Variants in HS3ST4 observed in about 807,000 individuals in gnomAD.
The protein encoded by HS3ST4 is heparan sulfate glucosamine 3-O-sulfotransferase 4.
HS3ST4 carries 17 observed loss-of-function variants against 29.2 expected under a neutral mutation model. The observed-to-expected ratio is 0.58, with a 90% confidence interval of 0.40 to 0.87. HS3ST4 has a LOEUF of 0.87. Among genes scored for constraint, HS3ST4 ranks in the 40% least tolerant of loss-of-function variants. The pLI is 0.00. For synonymous variants in HS3ST4, 314 were observed against 285.7 expected, an observed-to-expected ratio of 1.10 and a Z score of -1.00; for missense variants, 627 against 634.5, an observed-to-expected ratio of 0.99 and a Z score of 0.13.
rs1013372937 is a variant in HS3ST4, at chr16:25,967,876, T to C, written c.735-167736T>C. On this transcript the variant is annotated intron_variant, in intron 1 of 1. Coordinates refer to ENST00000331351, the MANE Select transcript of HS3ST4 (RefSeq NM_006040.3). ...ATAGAGCCCTGGAGTCAGGAGGTGCTTGCAAAGCTGCCTTAAAGGCAGTGA... is the reference window on the plus strand; with the variant it reads ...ATAGAGCCCTGGAGTCAGGAGGTGCCTGCAAAGCTGCCTTAAAGGCAGTGA... Among the ~76,000 whole-genome samples the C allele has an allele frequency of 3.9e-5, 6 of 152,278 alleles. No homozygotes were observed. The South Asian group carries it at 1.2e-3, about 32-fold the overall frequency.
intron 1 of HS3ST4, among the ~76,000 whole-genome samples, chr16:26,127,716 A>G (rs1899363788): frequency 6.6e-6 from 1 of 152,194 alleles, no homozygotes; most frequent in African/African-American, 2.4e-5. Flanking sequence ...ACTCACGGAT[A>G]TCATGGGGAA....
At chr16:26,036,474 CT>C (rs897864281) in intron 1 of HS3ST4, among the ~76,000 whole-genome samples, 6 of 152,178 alleles carry the variant, frequency 3.9e-5, no homozygotes, top group African/African-American at 1.4e-4. Context: ...GCTCATTTGT[CT>C]GTATCAGATC....
At chr16:25,989,656 AACTG>A (rs1400836260) in intron 1 of HS3ST4, among the ~76,000 whole-genome samples, 1 of 152,222 alleles carries the variant, frequency 6.6e-6, no homozygotes, top group East Asian at 1.9e-4. Flanking sequence ...TATGAGGCCT[AACTG>A]ACTTCGTCTG....
chr16:26,021,634 T>A (rs1269445394), intron 1 of HS3ST4, among the ~76,000 whole-genome samples: 1 of 152,056 alleles, frequency 6.6e-6, no homozygotes, highest in Non-Finnish European at 1.5e-5. Flanking sequence ...AAACACAACC[T>A]CTAAGCACTT....
chr16:25,857,811 G>A (rs113297519), intron 1 of HS3ST4, among the ~76,000 whole-genome samples: 133 of 152,142 alleles, frequency 8.7e-4, no homozygotes, highest in African/African-American at 3.0e-3. Flanking sequence ...TACTCATAGC[G>A]TGAAAGCATT....
intron 1 of HS3ST4, among the ~76,000 whole-genome samples, chr16:25,742,484 G>A (rs1255441270): frequency 1.3e-5 from 2 of 152,210 alleles, no homozygotes; most frequent in Non-Finnish European, 2.9e-5. Context: ...CTTGGATTCA[G>A]GGGAGTAATG....
intron 1 of HS3ST4, among the ~76,000 whole-genome samples, chr16:25,915,393 T>G (rs1344569327): frequency 2.0e-5 from 3 of 152,332 alleles, no homozygotes; most frequent in South Asian, 4.1e-4. Context: ...AATAAAATTA[T>G]TTGCCTCTTC....
At chr16:26,127,981 G>A (rs1200486668) in intron 1 of HS3ST4, among the ~76,000 whole-genome samples, 1 of 151,958 alleles carries the variant, frequency 6.6e-6, no homozygotes, top group Non-Finnish European at 1.5e-5. Flanking sequence ...CTTCCAAGCC[G>A]AGCTCCTCTT....
intron 1 of HS3ST4, among the ~76,000 whole-genome samples, chr16:26,001,293 G>A (rs978178632): frequency 6.6e-6 from 1 of 152,132 alleles, no homozygotes; most frequent in Admixed American, 6.5e-5. Flanking sequence ...GATATATGCA[G>A]TGTACTCTAC....
chr16:25,784,222 T>C (rs936532241), intron 1 of HS3ST4, among the ~76,000 whole-genome samples: 12 of 152,150 alleles, frequency 7.9e-5, no homozygotes, highest in Middle Eastern at 6.3e-3. Flanking sequence ...CTCCCTCTAC[T>C]TGGGACTTCC....
At chr16:25,785,365 G>A (rs1966856449) in intron 1 of HS3ST4, among the ~76,000 whole-genome samples, 1 of 152,180 alleles carries the variant, frequency 6.6e-6, no homozygotes, top group Non-Finnish European at 1.5e-5. Flanking sequence ...ATAGTGCTAA[G>A]TAGAGTCAGG....
At chr16:25,762,561 C>T (rs1007802591) in intron 1 of HS3ST4, among the ~76,000 whole-genome samples, 2 of 152,008 alleles carry the variant, frequency 1.3e-5, no homozygotes, top group Non-Finnish European at 2.9e-5. Context: ...ACTGAAAATG[C>T]CAAACGTGGC....
chr16:26,129,637 C>T (rs1306288240), intron 1 of HS3ST4, among the ~76,000 whole-genome samples: 1 of 152,136 alleles, frequency 6.6e-6, no homozygotes, highest in Non-Finnish European at 1.5e-5. Context: ...TAGTATGATG[C>T]CTGGTTTTCA....
intron 1 of HS3ST4, among the ~76,000 whole-genome samples, chr16:25,774,960 T>C (rs2141612504): frequency 6.6e-6 from 1 of 152,342 alleles, no homozygotes; most frequent in East Asian, 1.9e-4. Flanking sequence ...GGCTTTGTTA[T>C]TTTTCTTCTG....
chr16:26,128,471 A>G (rs916952870), intron 1 of HS3ST4, among the ~76,000 whole-genome samples: 2 of 152,224 alleles, frequency 1.3e-5, no homozygotes, highest in African/African-American at 4.8e-5. Context: ...ACCATAACTC[A>G]GGATTCCTTC....
intron 1 of HS3ST4, among the ~76,000 whole-genome samples, chr16:26,029,389 C>G (rs1199381311): frequency 1.3e-5 from 2 of 152,018 alleles, no homozygotes; most frequent in Non-Finnish European, 2.9e-5. Context: ...AACAAGGGTC[C>G]CCACACTTCA....
intron 1 of HS3ST4, among the ~76,000 whole-genome samples, chr16:25,990,076 T>C (rs1242033416): frequency 6.6e-6 from 1 of 152,226 alleles, no homozygotes; most frequent in Non-Finnish European, 1.5e-5. Context: ...TATATACACG[T>C]AAGGTTTCTC....
At chr16:25,891,322 T>G (rs1968005580) in intron 1 of HS3ST4, among the ~76,000 whole-genome samples, 1 of 152,158 alleles carries the variant, frequency 6.6e-6, no homozygotes, top group African/African-American at 2.4e-5. Flanking sequence ...AAATGACTAT[T>G]TTTTTAGGCT....
intron 1 of HS3ST4, among the ~76,000 whole-genome samples, chr16:25,878,630 C>T (rs1332811736): frequency 6.6e-6 from 1 of 152,156 alleles, no homozygotes; most frequent in African/African-American, 2.4e-5. Context: ...CCATTAAGGA[C>T]TTGTCCAGAT....
Sources: gnomAD v4.1 joint callset for allele counts (sites outside exome capture counted in the v4.1 genomes callset) on GRCh38, gnomAD v4.1.1 for gene constraint, MANE v1.5 for transcripts, NCBI Gene and HGNC (gene_info 2026-07-23, HGNC 2026-07-21) for gene names.